RFC3: variants seen among roughly 807,000 people sequenced by gnomAD.
The protein encoded by RFC3 is replication factor C subunit 3.
A neutral mutation model predicts 45.1 loss-of-function variants in RFC3; 41 were observed. That is an observed-to-expected ratio of 0.91 (90% CI 0.71 to 1.18). The LOEUF (loss-of-function observed/expected upper bound fraction) is 1.18, where lower values mean the gene tolerates loss of function less well. Among genes scored for constraint, RFC3 ranks in the 50% most tolerant of loss-of-function variants. RFC3 has a pLI of 0.00. For synonymous variants in RFC3, 149 were observed against 144.0 expected (o/e 1.03, Z -0.25); for missense variants, 423 against 428.1 (o/e 0.99, Z 0.10).
intron 8 of RFC3, among the ~76,000 whole-genome samples, chr13:33,890,651 G>A (rs576542744): frequency 6.6e-6 from 1 of 152,262 alleles, no homozygotes; most frequent in South Asian, 2.1e-4. Flanking sequence ...GTCAGGCATT[G>A]TCCTGAGCTT....
intron 8 of RFC3, among the ~76,000 whole-genome samples, chr13:33,927,572 T>A (rs1241802124): frequency 6.6e-6 from 1 of 152,142 alleles, no homozygotes; most frequent in East Asian, 1.9e-4. Context: ...CATGTAGCAA[T>A]TAAGGCTTGG....
At chr13:33,835,307 T>G in intron 8 of RFC3, 90 bp downstream of exon 8, 1 of 808,006 alleles carries the variant, frequency 1.2e-6, no homozygotes, top group Non-Finnish European at 2.2e-6. Flanking sequence ...TATCAAGATA[T>G]CACCTCTTTC....
intron 8 of RFC3, 82 bp downstream of exon 8, chr13:33,835,299 T>C (rs1168528542): frequency 1.2e-6 from 1 of 835,756 alleles, no homozygotes; most frequent in East Asian, 2.4e-5. Flanking sequence ...TTTTGCAGTA[T>C]CAAGATATCA....
intron 4 of RFC3, among the ~76,000 whole-genome samples, chr13:33,828,516 C>T (rs552432688): frequency 7.7e-4 from 117 of 152,282 alleles, no homozygotes; most frequent in Non-Finnish European, 1.4e-3. Context: ...TGGGCTCTGT[C>T]GAATCTCCCC....
chr13:33,941,029 G>T (rs1352764839), intron 8 of RFC3, among the ~76,000 whole-genome samples: 1 of 152,218 alleles, frequency 6.6e-6, no homozygotes, highest in Non-Finnish European at 1.5e-5. Context: ...TTGTGCAGAT[G>T]AGGAAACCTG....
At chr13:33,941,029 G>A (rs1352764839) in intron 8 of RFC3, among the ~76,000 whole-genome samples, 1 of 152,218 alleles carries the variant, frequency 6.6e-6, no homozygotes, top group Non-Finnish European at 1.5e-5. Flanking sequence ...TTGTGCAGAT[G>A]AGGAAACCTG....
chr13:33,937,030 T>A (rs1404740425), intron 8 of RFC3, among the ~76,000 whole-genome samples: 4 of 152,184 alleles, frequency 2.6e-5, no homozygotes, highest in African/African-American at 9.6e-5. Context: ...TTATCTTGAT[T>A]GTGATGATAA....
intron 8 of RFC3, among the ~76,000 whole-genome samples, chr13:33,962,228 AG>A (rs2083061698): frequency 6.6e-6 from 1 of 152,152 alleles, no homozygotes; most frequent in Non-Finnish European, 1.5e-5. Context: ...CAGAGCTATG[AG>A]GGGGGATATG....
At chr13:33,820,669 T>G (rs1422392460) in intron 1 of RFC3, among the ~76,000 whole-genome samples, 1 of 152,168 alleles carries the variant, frequency 6.6e-6, no homozygotes, top group Admixed American at 6.5e-5. Context: ...ACAGGGACTG[T>G]TTCTAATAGT....
downstream of RFC3, among the ~76,000 whole-genome samples, chr13:33,842,268 A>T (rs2082204878): frequency 6.6e-6 from 1 of 151,856 alleles, no homozygotes; most frequent in Non-Finnish European, 1.5e-5. Flanking sequence ...AGCTTGGGCC[A>T]CAGAGCAAGA....
chr13:33,834,298 G>GTGTATATATATATATATA (rs1302839326), intron 7 of RFC3, among the ~76,000 whole-genome samples: 5 of 109,196 alleles, frequency 4.6e-5, no homozygotes, highest in African/African-American at 2.1e-4. Context: ...TGTACTGTGT[G>GTGTATATATATATATATA]TATATATATA....
intron 5 of RFC3, among the ~76,000 whole-genome samples, chr13:33,830,423 G>T (rs988912870): frequency 6.6e-6 from 1 of 152,140 alleles, no homozygotes; most frequent in Non-Finnish European, 1.5e-5. Context: ...ACATTAATAT[G>T]AATATATATA....
chr13:33,933,578 A>G (rs1417824238), intron 8 of RFC3, among the ~76,000 whole-genome samples: 1 of 152,190 alleles, frequency 6.6e-6, no homozygotes, highest in Admixed American at 6.5e-5. Flanking sequence ...TGTAACAAAG[A>G]TAATAAATCG....
chr13:33,930,949 C>G (rs1204376337), intron 8 of RFC3, among the ~76,000 whole-genome samples: 1 of 151,998 alleles, frequency 6.6e-6, no homozygotes, highest in Non-Finnish European at 1.5e-5. Context: ...TCTAAGGCAT[C>G]TAGGTGATAT....
the RFC3 span, among the ~76,000 whole-genome samples, chr13:33,976,557 AAAG>A: frequency 6.6e-6 from 1 of 152,184 alleles, no homozygotes; most frequent in Non-Finnish European, 1.5e-5. Flanking sequence ...AGTAGCTAGA[AAAG>A]AAGATTCATA....
intron 7 of RFC3, among the ~76,000 whole-genome samples, chr13:33,834,797 G>A (rs3135627): frequency 0.03 from 4,526 of 152,080 alleles, 133 homozygotes; most frequent in African/African-American, 0.069. Flanking sequence ...AGCTCAACCC[G>A]CGCTCTTCAT....
At chr13:33,941,340 A>G (rs2082922968) in intron 8 of RFC3, among the ~76,000 whole-genome samples, 1 of 151,740 alleles carries the variant, frequency 6.6e-6, no homozygotes, top group South Asian at 2.1e-4. Flanking sequence ...GGTTTTTTCT[A>G]CAACACTGCC....
intron 8 of RFC3, among the ~76,000 whole-genome samples, chr13:33,939,608 A>G (rs1438375616): frequency 6.6e-6 from 1 of 152,206 alleles, no homozygotes; most frequent in East Asian, 1.9e-4. Context: ...AGCTCTAGCA[A>G]AGTATTAAAC....
chr13:33,850,026 C>T (rs184686616), intron 8 of RFC3: 1 of 152,304 alleles, frequency 6.6e-6, no homozygotes, highest in Non-Finnish European at 1.5e-5. Context: ...CTAGCTTACA[C>T]ATTGTTTTCA....
Sources: allele counts gnomAD v4.1 joint callset (sites outside exome capture counted in the v4.1 genomes callset), GRCh38; gene constraint gnomAD v4.1.1; transcripts MANE v1.5; gene names NCBI Gene and HGNC (gene_info 2026-07-23, HGNC 2026-07-21).